The following MUC4 variants were observed in gnomAD, a reference collection of about 807,000 sequenced individuals.
MUC4 encodes the protein mucin 4, cell surface associated, also known as mucin-4.
MUC4 carries 202 observed loss-of-function variants against 257.9 expected under a neutral mutation model. The observed-to-expected ratio is 0.78, with a 90% CI of 0.70 to 0.88. The LOEUF (loss-of-function observed/expected upper bound fraction) is 0.88. Among genes scored for constraint, MUC4 ranks in the 40% least tolerant of loss-of-function variants. The pLI is 0.00. For synonymous variants in MUC4, 2,351 were observed against 2,757.1 expected (o/e 0.85, Z 4.62); for missense variants, 5,976 against 6,513.7 (o/e 0.92, Z 2.84).
At chr3:195,772,179 C>T (rs544184315) in intron 4 of MUC4, among the ~76,000 whole-genome samples, 3 of 58,856 alleles carry the variant, frequency 5.1e-5, no homozygotes, top group African/African-American at 1.1e-4. Flanking sequence ...CTCTCTCCAT[C>T]GCTCAGGGGG....
intron 3 of MUC4, among the ~76,000 whole-genome samples, chr3:195,778,076 G>A (rs1220072564): frequency 1.3e-5 from 2 of 152,204 alleles, no homozygotes; most frequent in South Asian, 2.1e-4. Context: ...CTACCGGACC[G>A]TCCATCTATC....
At chr3:195,808,360 C>A (rs573806183) in intron 1 of MUC4, among the ~76,000 whole-genome samples, 2 of 152,094 alleles carry the variant, frequency 1.3e-5, no homozygotes, top group Admixed American at 6.6e-5. Context: ...GAATTACAGG[C>A]GCTCGCCACC....
rs768265648 is a variant in MUC4, at chr3:195,762,121, C to G, written c.14478G>C (p.Pro4826=). The change falls in exon 14 of 25, where the codon CCG becomes CCC. Residue 4826 remains proline, a synonymous_variant. Coordinates refer to ENST00000463781, the MANE Select transcript of MUC4 (RefSeq NM_018406.7). ...CCTCCGTGCGGTTCTGGTACTCGGG[C>G]GGGAGGCTGGCGGAGGCGTGGAGGA... ...SNILHASASL[P]PEYQNRTEGL... The G allele has an allele frequency of 1.2e-6, 2 of 1,607,300 alleles. No homozygotes were observed. The highest frequency in any genetic ancestry group is 1.1e-5 in the South Asian group (1 of 90,074).
chr3:195,767,953 CACCACCACCACCACT>C (rs1721966174), intron 7 of MUC4, among the ~76,000 whole-genome samples: 1 of 151,692 alleles, frequency 6.6e-6, no homozygotes, highest in Non-Finnish European at 1.5e-5. Context: ...CCACCACCAC[CACCACCACCACCACT>C]ATCGCCATCA....
At chr3:195,772,682 T>C (rs1430427884) in intron 4 of MUC4, among the ~76,000 whole-genome samples, 1 of 141,458 alleles carries the variant, frequency 7.1e-6, no homozygotes, top group African/African-American at 2.7e-5. Context: ...CCTCTCTCCA[T>C]CCCTCAGGGG....
Position 195,790,516 on chromosome 3 carries a change from G to T in MUC4, c.1064C>A (p.Ser355Ter). 2 of 1,614,020 alleles carry T rather than the reference G, an allele frequency of 1.2e-6. No individual in the cohort carries two copies. The highest frequency in any genetic ancestry group is 1.7e-6 in the Non-Finnish European group (2 of 1,179,880). Residue 355 changes from serine to a stop codon, truncating the protein, a stop_gained, in exon 2 of 25, where the codon TCA (serine) becomes TAA (stop). Coordinates refer to ENST00000463781, the MANE Select transcript of MUC4 (RefSeq NM_018406.7). LOFTEE classifies it high-confidence loss of function. ...TPVTTSTVLS[S>*]PSGFNPSGTV... Reference sequence around the variant, plus strand: ...TCCACTTGGGTTGAATCCACTTGGTGAGGATAAAACAGTTGATGTTGTAAC... The same window carrying T: ...TCCACTTGGGTTGAATCCACTTGGTTAGGATAAAACAGTTGATGTTGTAAC...
At position 195,782,120 on chromosome 3, in the gene MUC4, G is replaced by A. The variant is rs1437279062; in HGVS notation, c.9460C>T (p.Pro3154Ser). 1.5e-6 allele frequency: 2 copies of A among 1,368,778 alleles called. No individual in the cohort carries two copies. Among genetic ancestry groups the A allele is most frequent in the Admixed American group, 4.5e-5 (2 of 44,502 alleles). The allele number at this position is 1,368,778 out of a possible 1,614,324, so 84.8% of individuals were successfully genotyped here. The change falls in exon 2 of 25, where the codon CCT becomes TCT. Residue 3154 changes from proline to serine, a missense_variant. Pro to Ser is a moderately conservative substitution (Grantham distance 74). Coordinates refer to ENST00000463781, the MANE Select transcript of MUC4 (RefSeq NM_018406.7). ...GATGCTGAGGAAGTGTCGGTGACAG[G>A]AAGAGGGGTGGTGTCACCTGTGGAT... The part of the protein sequence containing the change: ...SASTGDTTPL[P>S]VTDTSSASTG...
rs951545925 is a variant in MUC4, at chr3:195,810,693, G to T, written c.82+1043C>A. The stretch of plus-strand genomic sequence containing the variant: ...GCCGCCTCCTCCGCACCACCCTCCC[G>T]GCCGGCCTGCCCCTCTCCTCCTTGT... On this transcript the variant is annotated intron_variant, in intron 1 of 24. Transcript: ENST00000463781. The surrounding 1 kb of genome is among the most constrained non-coding windows in gnomAD (Gnocchi z 4.2). 1.3e-5 allele frequency among the ~76,000 whole-genome samples: 2 copies of T among 152,054 alleles called. No homozygotes were observed. Among genetic ancestry groups the T allele is most frequent in the Non-Finnish European group, 2.9e-5 (2 of 68,016 alleles).
At position 195,783,187 on chromosome 3, in the gene MUC4, G is replaced by C. The variant is rs1221652039; in HGVS notation, c.8393C>G (p.Thr2798Ser). ...TSPSSASTGH[T>S]TPLPVTDASS... Reference sequence around the variant, plus strand: ...AGCGTCGGTGACAGGAAGAGGGGTGGTGTGACCTGTGGATGCTGAGGAAGG... The same window carrying C: ...AGCGTCGGTGACAGGAAGAGGGGTGCTGTGACCTGTGGATGCTGAGGAAGG... Residue 2798 changes from threonine (T) to serine (S), a missense_variant, in exon 2 of 25, where the codon ACC (threonine) becomes AGC (serine). Physicochemically the swap from Thr to Ser is moderately conservative, Grantham distance 58. This residue lies in a region of MUC4 where 228 missense variants were observed against 206.3 expected (regional missense o/e 1.11). Coordinates refer to ENST00000463781, the MANE Select transcript of MUC4 (RefSeq NM_018406.7). 4 of 1,471,822 alleles carry C rather than the reference G, an allele frequency of 2.7e-6. No individual in the cohort carries two copies. Among genetic ancestry groups the C allele is most frequent in the Admixed American group, 2.0e-5 (1 of 49,442 alleles). The allele number at this position is 1,471,822 out of a possible 1,614,324, so 91.2% of individuals were successfully genotyped here. A position where few individuals can be genotyped will look rare whatever the true frequency, so the allele number is the denominator to read the frequency against.
chr3:195,770,468 C>T, intron 5 of MUC4, 97 bp from the exon 6 acceptor site: 1 of 1,388,084 alleles, frequency 7.2e-7, no homozygotes, highest in Non-Finnish European at 1.0e-6. Context: ...CACTTCAGCC[C>T]ACCCAATGGC....
chr3:195,765,018 C>T lies in MUC4; in HGVS notation c.13903G>A (p.Val4635Met), dbSNP rs111517228. Residue 4635 changes from valine to methionine, a missense_variant, in exon 10 of 25, where the codon GTG becomes ATG. By Grantham distance (21) the Val-to-Met change is conservative (BLOSUM62 1). This residue lies in a region of MUC4 where 996 missense variants were observed against 1,137.3 expected (regional missense o/e 0.88). Coordinates refer to ENST00000463781, the MANE Select transcript of MUC4 (RefSeq NM_018406.7). Reference protein sequence around the residue: ...PWGEFREGWHVQRPWQLAQEL... With the variant: ...PWGEFREGWHMQRPWQLAQEL... ...GCACCCAACTGCCAAGGACGCTGCA[C>T]GTGCCAGCCTTCACGAAACTCTCCC... The T allele has an allele frequency of 3.8e-5, 61 of 1,613,892 alleles. No homozygotes were observed. Among genetic ancestry groups the T allele is most frequent in the Non-Finnish European group, 4.7e-5 (56 of 1,179,980 alleles).
In MUC4 at chr3:195,790,227, G is replaced by C. The variant is rs371775108; in HGVS notation, c.1353C>G (p.Phe451Leu). 3.7e-6 allele frequency: 6 copies of C among 1,613,908 alleles called. No homozygotes were observed. In the East Asian group the frequency reaches 1.3e-4, roughly 36 times the overall value. ...CTGCACCTTCACTCTGCTGGGTGTGGAAAGCTGTGGATATTTTTGGAGGTA... is the reference window on the plus strand; with the variant it reads ...CTGCACCTTCACTCTGCTGGGTGTGCAAAGCTGTGGATATTTTTGGAGGTA... ...SSLPPKISTA[F>L]HTQQSEGAET... is the part of the protein sequence containing the mutation. Residue 451 changes from phenylalanine to leucine, a missense_variant, in exon 2 of 25, where the codon TTC becomes TTG. By Grantham distance (22) the Phe-to-Leu change is conservative (BLOSUM62 0). Coordinates refer to ENST00000463781, the MANE Select transcript of MUC4 (RefSeq NM_018406.7).
chr3:195,748,453 A>G (rs1392505190), intron 24 of MUC4, among the ~76,000 whole-genome samples: 1 of 152,226 alleles, frequency 6.6e-6, no homozygotes. Flanking sequence ...AGTCCCAACT[A>G]CTCGGGAGGC....
chr3:195,775,590 C>T (rs868647344), intron 3 of MUC4, among the ~76,000 whole-genome samples: 52 of 73,412 alleles, frequency 7.1e-4, no homozygotes, highest in African/African-American at 1.3e-3. Flanking sequence ...CCTTCCACAC[C>T]CATACCTTCC....
At chr3:195,763,936 C>T in intron 11 of MUC4, 109 bp downstream of exon 11, 2 of 1,429,492 alleles carry the variant, frequency 1.4e-6, no homozygotes, top group Non-Finnish European at 9.3e-7. Context: ...CTCCATCTTC[C>T]CTTGTGGCCA....
At chr3:195,802,406 C>T (rs990113527) in intron 1 of MUC4, among the ~76,000 whole-genome samples, 4 of 152,210 alleles carry the variant, frequency 2.6e-5, no homozygotes, top group African/African-American at 7.2e-5. Flanking sequence ...CAGCCTCCAC[C>T]GCACCCCTGT....
chr3:195,802,405 C>CCACACCCCTGCTCTCAGCCTCCAT (rs1272744263), intron 1 of MUC4, among the ~76,000 whole-genome samples: 1 of 152,140 alleles, frequency 6.6e-6, no homozygotes, highest in African/African-American at 2.4e-5. Flanking sequence ...TCAGCCTCCA[C>CCACACCCCTGCTCTCAGCCTCCAT]CGCACCCCTG....
Position 195,791,174 on chromosome 3 carries a change from T to C in MUC4, c.406A>G (p.Lys136Glu). 6.2e-7 allele frequency: 1 copy of C among 1,613,948 alleles called. No homozygotes were observed. Among genetic ancestry groups the C allele is most frequent in the Non-Finnish European group, 8.5e-7 (1 of 1,179,880 alleles). ...GTGGAGGTTGTCATTGTTATAGTCT[T>C]TGATGTCATCATGAGTGTGTTGGTG... ...SVTNTLMMTS[K>E]TITMTTSTDS... is the part of the protein sequence containing the mutation. The change falls in exon 2 of 25, where the codon AAG (lysine) becomes GAG (glutamate). Residue 136 changes from lysine to glutamate, a missense_variant. Transcript: ENST00000463781.
chr3:195,760,130 A>T (rs1206295614), intron 16 of MUC4, among the ~76,000 whole-genome samples: 1 of 152,216 alleles, frequency 6.6e-6, no homozygotes, highest in African/African-American at 2.4e-5. Context: ...GGTGGTGAGG[A>T]TACAGTCATG....
Sources: allele counts gnomAD v4.1 joint callset (sites outside exome capture counted in the v4.1 genomes callset), GRCh38; gene constraint gnomAD v4.1.1; regional missense constraint gnomAD v4.1.1; non-coding constraint Gnocchi (gnomAD v3.1); transcripts MANE v1.5; gene names NCBI Gene and HGNC (gene_info 2026-07-23, HGNC 2026-07-21).